The following TMEM117 variants were observed in gnomAD, a reference collection of about 807,000 sequenced individuals.
The protein encoded by TMEM117 is transmembrane protein 117.
TMEM117 carries 27 observed loss-of-function variants against 52.4 expected under a neutral mutation model. The ratio of observed to expected loss-of-function variants is 0.51; its 90% CI spans 0.38 to 0.71. The LOEUF is 0.71. Ranked by LOEUF, TMEM117 falls within the 30% of genes least tolerant of loss-of-function variation. TMEM117 has a pLI of 0.00. For synonymous variants in TMEM117, 215 were observed against 206.3 expected (o/e 1.04, Z -0.36); for missense variants, 556 against 630.5 (o/e 0.88, Z 1.26).
chr12:44,383,790 G>A (rs980439114), intron 7 of TMEM117, among the ~76,000 whole-genome samples: 8 of 151,898 alleles, frequency 5.3e-5, no homozygotes, highest in African/African-American at 1.9e-4. Flanking sequence ...TTTCTATCTG[G>A]GTCATTTCAG....
chr12:44,262,838 C>T (rs986146526), intron 5 of TMEM117, among the ~76,000 whole-genome samples: 6 of 152,170 alleles, frequency 3.9e-5, no homozygotes, highest in Non-Finnish European at 7.3e-5. Context: ...CCACCCGCCT[C>T]GGCCTCCCAA....
intron 4 of TMEM117, among the ~76,000 whole-genome samples, chr12:44,159,074 T>C (rs182955434): frequency 1.7e-4 from 26 of 152,258 alleles, no homozygotes; most frequent in African/African-American, 4.6e-4. Flanking sequence ...ACTGGGCTGA[T>C]TGGAGATGGG....
chr12:43,998,798 G>A (rs1421047481), intron 3 of TMEM117, among the ~76,000 whole-genome samples: 2 of 152,286 alleles, frequency 1.3e-5, no homozygotes, highest in Non-Finnish European at 2.9e-5. Context: ...CAGGAAGTAA[G>A]AGAAGATATT....
chr12:44,098,438 G>C (rs1288943852), intron 3 of TMEM117, among the ~76,000 whole-genome samples: 1 of 151,954 alleles, frequency 6.6e-6, no homozygotes, highest in East Asian at 1.9e-4. Context: ...CTGAGACCAT[G>C]CTAACTCTCT....
At chr12:43,899,575 A>G (rs1944270523) in intron 2 of TMEM117, among the ~76,000 whole-genome samples, 1 of 152,198 alleles carries the variant, frequency 6.6e-6, no homozygotes, top group Non-Finnish European at 1.5e-5. Flanking sequence ...TTTCCTCAGT[A>G]AGCCACTTCA....
At chr12:44,122,175 G>T (rs1688404285) in intron 3 of TMEM117, among the ~76,000 whole-genome samples, 1 of 151,574 alleles carries the variant, frequency 6.6e-6, no homozygotes, top group African/African-American at 2.4e-5. Context: ...CTCCCGAGTA[G>T]CTGGGATTAC....
At chr12:43,949,249 G>A (rs1945182282) in intron 3 of TMEM117, among the ~76,000 whole-genome samples, 1 of 152,184 alleles carries the variant, frequency 6.6e-6, no homozygotes, top group Non-Finnish European at 1.5e-5. Flanking sequence ...CAGTACACTT[G>A]GAAGAGGGCC....
chr12:44,207,383 A>G (rs531494359), intron 4 of TMEM117, among the ~76,000 whole-genome samples: 3 of 152,300 alleles, frequency 2.0e-5, no homozygotes, highest in South Asian at 4.1e-4. Flanking sequence ...GGCTAAGAAG[A>G]TAAGAATGGC....
intron 2 of TMEM117, among the ~76,000 whole-genome samples, chr12:43,845,735 C>T (rs1592301661): frequency 1.3e-5 from 2 of 151,560 alleles, no homozygotes; most frequent in Admixed American, 1.3e-4. Flanking sequence ...ATGTTCCCCA[C>T]CCTGTGTCCA....
chr12:44,033,524 A>G (rs764918627), intron 3 of TMEM117, among the ~76,000 whole-genome samples: 1 of 152,182 alleles, frequency 6.6e-6, no homozygotes, highest in Non-Finnish European at 1.5e-5. Flanking sequence ...TATGTCCTTG[A>G]TAGAGTCATA....
At chr12:44,080,861 T>G (rs764909394) in intron 3 of TMEM117, among the ~76,000 whole-genome samples, 6 of 152,210 alleles carry the variant, frequency 3.9e-5, no homozygotes, top group Admixed American at 1.3e-4. Context: ...CATGGCAGAA[T>G]AGAGTTGTAA....
At chr12:44,136,047 A>G (rs1435135299) in intron 3 of TMEM117, among the ~76,000 whole-genome samples, 1 of 152,186 alleles carries the variant, frequency 6.6e-6, no homozygotes, top group African/African-American at 2.4e-5. Flanking sequence ...TCCCTTTTAC[A>G]ATAATAAAAA....
At chr12:44,228,581 GA>G (rs1949893336) in intron 5 of TMEM117, among the ~76,000 whole-genome samples, 2 of 152,096 alleles carry the variant, frequency 1.3e-5, no homozygotes, top group African/African-American at 4.8e-5. Context: ...GTGGTGATCT[GA>G]AGAGACCACT....
At chr12:44,005,540 C>G (rs1028408383) in intron 3 of TMEM117, among the ~76,000 whole-genome samples, 7 of 152,228 alleles carry the variant, frequency 4.6e-5, no homozygotes, top group African/African-American at 1.2e-4. Context: ...TTATTTTGCT[C>G]TGACACTTCA....
At chr12:44,069,382 C>T (rs911373067) in intron 3 of TMEM117, among the ~76,000 whole-genome samples, 1 of 152,028 alleles carries the variant, frequency 6.6e-6, no homozygotes, top group African/African-American at 2.4e-5. Flanking sequence ...GACATTTCAG[C>T]AAAGTCCTGG....
chr12:44,350,537 G>T (rs1466030020), intron 6 of TMEM117, among the ~76,000 whole-genome samples: 1 of 151,488 alleles, frequency 6.6e-6, no homozygotes, highest in Non-Finnish European at 1.5e-5. Context: ...CCATTCTCTG[G>T]CAACCGTTCT....
At chr12:43,807,163 A>T in the TMEM117 span, among the ~76,000 whole-genome samples, 1 of 152,162 alleles carries the variant, frequency 6.6e-6, no homozygotes, top group Admixed American at 6.5e-5. Flanking sequence ...TACTGCTACT[A>T]GGTGGGAAGC....
intron 3 of TMEM117, among the ~76,000 whole-genome samples, chr12:44,074,566 A>G (rs979415206): frequency 6.6e-6 from 1 of 152,226 alleles, no homozygotes; most frequent in East Asian, 1.9e-4. Context: ...TAAAGCTCAG[A>G]GAGATACATA....
At chr12:44,380,290 G>A (rs928037377) in intron 7 of TMEM117, among the ~76,000 whole-genome samples, 1 of 152,158 alleles carries the variant, frequency 6.6e-6, no homozygotes, top group African/African-American at 2.4e-5. Context: ...TTGGGGAAAG[G>A]TGCTGGTCTG....
Sources: gnomAD v4.1 joint callset for allele counts (sites outside exome capture counted in the v4.1 genomes callset) on GRCh38, gnomAD v4.1.1 for gene constraint, MANE v1.5 for transcripts, NCBI Gene and HGNC (gene_info 2026-07-23, HGNC 2026-07-21) for gene names.